NCKAP5: variants seen among roughly 807,000 people sequenced by gnomAD.
The protein encoded by NCKAP5 is NCK associated protein 5.
Under a neutral mutation model 167.0 loss-of-function variants are expected in NCKAP5, and 92 were observed. The ratio of observed to expected loss-of-function variants is 0.55; its 90% CI spans 0.47 to 0.66. The LOEUF (loss-of-function observed/expected upper bound fraction) is 0.66, where lower values mean the gene tolerates loss of function less well. Ranked by LOEUF, NCKAP5 falls within the 30% of genes least tolerant of loss-of-function variation. NCKAP5 has a pLI of 0.00. For missense variants in NCKAP5, 2,378 were observed against 2,315.0 expected, an observed-to-expected ratio of 1.03 and a Z score of -0.56; for synonymous variants, 891 against 877.4, an observed-to-expected ratio of 1.02 and a Z score of -0.27.
intron 7 of NCKAP5, among the ~76,000 whole-genome samples, chr2:132,990,073 A>C (rs13415085): frequency 0.015 from 2,341 of 152,298 alleles, 48 homozygotes; most frequent in African/African-American, 0.054. Flanking sequence ...TGGGAACACA[A>C]GATGCTCTGA....
intron 3 of NCKAP5, among the ~76,000 whole-genome samples, chr2:133,421,445 G>T (rs767391402): frequency 7.2e-5 from 11 of 152,146 alleles, no homozygotes; most frequent in Admixed American, 2.0e-4. Context: ...CACTTTAAGA[G>T]GTTACATTAA....
intron 8 of NCKAP5, among the ~76,000 whole-genome samples, chr2:132,949,489 C>A (rs1289673946): frequency 6.6e-6 from 1 of 152,152 alleles, no homozygotes; most frequent in Non-Finnish European, 1.5e-5. Flanking sequence ...CTGCTCCTTC[C>A]CACAGAAACC....
intron 5 of NCKAP5, among the ~76,000 whole-genome samples, chr2:133,163,117 CA>C (rs34094631): frequency 6.6e-6 from 1 of 152,028 alleles, no homozygotes; most frequent in East Asian, 1.9e-4. Flanking sequence ...GAACTCACAG[CA>C]AAAAAAGAGA....
chr2:133,189,882 C>A (rs1450000910), intron 5 of NCKAP5, among the ~76,000 whole-genome samples: 1 of 152,166 alleles, frequency 6.6e-6, no homozygotes. Context: ...GATGCCCTCT[C>A]TCACCACTCC....
At chr2:133,055,023 C>T (rs1472591958) in intron 6 of NCKAP5, among the ~76,000 whole-genome samples, 1 of 152,166 alleles carries the variant, frequency 6.6e-6, no homozygotes, top group Non-Finnish European at 1.5e-5. Context: ...CTATTTTGAA[C>T]ATTCTGCATT....
intron 3 of NCKAP5, among the ~76,000 whole-genome samples, chr2:133,491,509 G>T (rs982905074): frequency 2.0e-5 from 3 of 152,184 alleles, no homozygotes; most frequent in African/African-American, 7.2e-5. Flanking sequence ...GCTAGGGAAA[G>T]ACAGGAACAG....
At chr2:133,227,347 C>A (rs558782325) in intron 4 of NCKAP5, among the ~76,000 whole-genome samples, 1 of 152,278 alleles carries the variant, frequency 6.6e-6, no homozygotes, top group South Asian at 2.1e-4. Flanking sequence ...TACTGCTATG[C>A]CCAGTATAAG....
intron 19 of NCKAP5, among the ~76,000 whole-genome samples, chr2:132,673,650 A>G (rs1047373091): frequency 1.3e-5 from 2 of 152,176 alleles, no homozygotes; most frequent in South Asian, 4.1e-4. Context: ...TATTAGCTGT[A>G]CTTTTTCTAA....
intron 19 of NCKAP5, among the ~76,000 whole-genome samples, chr2:132,701,986 C>T (rs910828518): frequency 6.6e-6 from 1 of 152,150 alleles, no homozygotes; most frequent in Non-Finnish European, 1.5e-5. Context: ...GTACTTTGGG[C>T]TGTGGGATGA....
At chr2:133,283,242 A>G (rs548181258) in intron 4 of NCKAP5, among the ~76,000 whole-genome samples, 20 of 152,328 alleles carry the variant, frequency 1.3e-4, no homozygotes, top group Non-Finnish European at 2.6e-4. Context: ...ATGAGAAGCC[A>G]GGAAAATGGG....
intron 5 of NCKAP5, among the ~76,000 whole-genome samples, chr2:133,141,558 G>C (rs930721655): frequency 6.6e-6 from 1 of 152,100 alleles, no homozygotes; most frequent in African/African-American, 2.4e-5. Flanking sequence ...TTTAAAGTGG[G>C]AGAATAATTA....
At chr2:133,070,550 C>A (rs1250200543) in intron 6 of NCKAP5, among the ~76,000 whole-genome samples, 1 of 152,122 alleles carries the variant, frequency 6.6e-6, no homozygotes, top group African/African-American at 2.4e-5. Context: ...TTACCAGAAT[C>A]CTTTGGGGCT....
At chr2:132,840,267 T>C (rs949381447) in intron 11 of NCKAP5, among the ~76,000 whole-genome samples, 4 of 147,934 alleles carry the variant, frequency 2.7e-5, no homozygotes, top group East Asian at 2.1e-4. Flanking sequence ...ATGATTGGCA[T>C]TGCACAGCAT....
At chr2:133,664,342 T>A in the NCKAP5 span, among the ~76,000 whole-genome samples, 1 of 152,172 alleles carries the variant, frequency 6.6e-6, no homozygotes, top group Non-Finnish European at 1.5e-5. Context: ...ATTGGCTTCA[T>A]CTTAAAGTGA....
At chr2:132,955,793 A>G (rs1458338594) in intron 8 of NCKAP5, among the ~76,000 whole-genome samples, 1 of 152,166 alleles carries the variant, frequency 6.6e-6, no homozygotes, top group Non-Finnish European at 1.5e-5. Context: ...AGGTATTCCT[A>G]TTTCTCCACA....
At chr2:133,120,674 C>G (rs370795774) in intron 6 of NCKAP5, among the ~76,000 whole-genome samples, 1 of 152,180 alleles carries the variant, frequency 6.6e-6, no homozygotes, top group Non-Finnish European at 1.5e-5. Flanking sequence ...AAAGAGGCAA[C>G]TCATCTTTTA....
At chr2:133,522,226 A>G (rs930195) in intron 2 of NCKAP5, among the ~76,000 whole-genome samples, 89,072 of 152,028 alleles carry the variant, frequency 0.59, 27,680 homozygotes, top group East Asian at 0.91. Flanking sequence ...CCTCCAATAG[A>G]TCAGCTAAGA....
intron 3 of NCKAP5, among the ~76,000 whole-genome samples, chr2:133,407,895 G>T (rs1688538535): frequency 6.6e-6 from 1 of 152,212 alleles, no homozygotes; most frequent in Non-Finnish European, 1.5e-5. Context: ...AGGTTAGCCA[G>T]CAGTAGAACA....
chr2:133,358,260 T>C (rs967733828), intron 3 of NCKAP5, among the ~76,000 whole-genome samples: 34 of 152,312 alleles, frequency 2.2e-4, no homozygotes, highest in African/African-American at 8.2e-4. Flanking sequence ...TGAAATCAGT[T>C]ATTATCCCAA....
Sources: allele counts gnomAD v4.1 joint callset (sites outside exome capture counted in the v4.1 genomes callset), GRCh38; gene constraint gnomAD v4.1.1; transcripts MANE v1.5; gene names NCBI Gene and HGNC (gene_info 2026-07-23, HGNC 2026-07-21).